The following RIMS2 variants were observed in gnomAD, a reference collection of about 807,000 sequenced individuals.
RIMS2 encodes the protein regulating synaptic membrane exocytosis 2, also known as regulating synaptic membrane exocytosis protein 2.
In RIMS2, 59 loss-of-function variants were observed where a neutral mutation model predicts 174.4. The ratio of observed to expected loss-of-function variants is 0.34; its 90% CI spans 0.27 to 0.42. The LOEUF (loss-of-function observed/expected upper bound fraction) is 0.42, where lower values mean the gene tolerates loss of function less well. Ranked by LOEUF, RIMS2 falls within the 10% of genes least tolerant of loss-of-function variation. The pLI is 1.00. For missense variants in RIMS2, 1,620 were observed against 1,666.3 expected (o/e 0.97, Z 0.48); for synonymous variants, 606 against 572.5 (o/e 1.06, Z -0.84).
chr8:103,645,001 TA>T (rs1335066998), intron 1 of RIMS2, among the ~76,000 whole-genome samples: 1 of 152,026 alleles, frequency 6.6e-6, no homozygotes, highest in African/African-American at 2.4e-5. Flanking sequence ...GTTTTTAGCA[TA>T]CTATTATTTG....
At chr8:104,193,180 T>C (rs1165281481) in intron 19 of RIMS2, among the ~76,000 whole-genome samples, 1 of 152,146 alleles carries the variant, frequency 6.6e-6, no homozygotes, top group Non-Finnish European at 1.5e-5. Context: ...TCTTGTAAAA[T>C]AGTATTGTTT....
chr8:103,881,330 T>C (rs1484599642), intron 3 of RIMS2, among the ~76,000 whole-genome samples: 2 of 151,572 alleles, frequency 1.3e-5, no homozygotes, highest in East Asian at 1.9e-4. Context: ...TTAGACTATA[T>C]TTTCAGAGAT....
At chr8:103,874,011 G>C (rs1395563654) in intron 3 of RIMS2, among the ~76,000 whole-genome samples, 1 of 152,058 alleles carries the variant, frequency 6.6e-6, no homozygotes, top group Non-Finnish European at 1.5e-5. Context: ...AACTTCAGAA[G>C]TACATGAGTT....
At chr8:103,962,509 G>T (rs575850736) in intron 15 of RIMS2, among the ~76,000 whole-genome samples, 1 of 152,248 alleles carries the variant, frequency 6.6e-6, no homozygotes, top group South Asian at 2.1e-4. Flanking sequence ...CGTTTAATAA[G>T]ACACTGAAAA....
chr8:103,699,509 TG>T (rs2097144725), intron 2 of RIMS2, among the ~76,000 whole-genome samples: 1 of 152,164 alleles, frequency 6.6e-6, no homozygotes, highest in African/African-American at 2.4e-5. Flanking sequence ...GGACTACAGG[TG>T]TGAGCCACCA....
At chr8:104,040,009 A>G (rs767815030) in intron 19 of RIMS2, among the ~76,000 whole-genome samples, 5 of 151,794 alleles carry the variant, frequency 3.3e-5, no homozygotes, top group Admixed American at 1.3e-4. Context: ...CCAGTTTTCT[A>G]TAATTCATGC....
intron 3 of RIMS2, among the ~76,000 whole-genome samples, chr8:103,845,909 T>C (rs1452088473): frequency 6.6e-6 from 1 of 152,072 alleles, no homozygotes; most frequent in Non-Finnish European, 1.5e-5. Context: ...AGGAGGAAGG[T>C]GGGGAAAAAG....
intron 14 of RIMS2, among the ~76,000 whole-genome samples, chr8:103,958,883 A>G (rs113871223): frequency 0.012 from 1,772 of 152,324 alleles, 34 homozygotes; most frequent in African/African-American, 0.039. Context: ...AAAGTCTGTG[A>G]AAGTCTGTTG....
At chr8:104,251,234 C>A (rs2099358132) in intron 23 of RIMS2, 71 bp downstream of exon 29, 2 of 1,273,678 alleles carry the variant, frequency 1.6e-6, no homozygotes, top group Admixed American at 2.4e-5. Flanking sequence ...TACCCCAAAT[C>A]TTTTCTGTTG....
chr8:103,996,773 A>G (rs775158211), intron 17 of RIMS2, among the ~76,000 whole-genome samples: 27 of 152,004 alleles, frequency 1.8e-4, no homozygotes, highest in Non-Finnish European at 2.8e-4. Context: ...TGTCTGTGCA[A>G]AAGTGGGAAT....
At chr8:103,586,588 C>T (rs2093933480) in intron 1 of RIMS2, among the ~76,000 whole-genome samples, 2 of 152,048 alleles carry the variant, frequency 1.3e-5, no homozygotes, top group African/African-American at 4.8e-5. Flanking sequence ...CTTTGGAATG[C>T]AGCAACAGCA....
At chr8:103,826,756 A>G (rs2098793574) in intron 3 of RIMS2, among the ~76,000 whole-genome samples, 1 of 150,868 alleles carries the variant, frequency 6.6e-6, no homozygotes, top group Non-Finnish European at 1.5e-5. Flanking sequence ...ATCATAGCTG[A>G]CTACAGCCTC....
At chr8:103,817,096 C>G (rs1011119925) in intron 3 of RIMS2, among the ~76,000 whole-genome samples, 1 of 152,106 alleles carries the variant, frequency 6.6e-6, no homozygotes, top group African/African-American at 2.4e-5. Context: ...TTTGTTTACA[C>G]TTGTAGAAAT....
intron 1 of RIMS2, among the ~76,000 whole-genome samples, chr8:103,541,254 C>T (rs1842444541): frequency 6.6e-6 from 1 of 152,114 alleles, no homozygotes; most frequent in African/African-American, 2.4e-5. Context: ...GAGAAACAAA[C>T]CACACATAAC....
intron 3 of RIMS2, among the ~76,000 whole-genome samples, chr8:103,791,905 G>A (rs573650930): frequency 1.3e-4 from 19 of 151,648 alleles, no homozygotes; most frequent in East Asian, 3.9e-4. Context: ...ATACAGGATC[G>A]CCCAGATTCA....
chr8:103,888,192 A>G (rs947703958), intron 4 of RIMS2, among the ~76,000 whole-genome samples: 5 of 151,570 alleles, frequency 3.3e-5, no homozygotes, highest in African/African-American at 1.2e-4. Context: ...ATGCACAACA[A>G]TCCAAGTGGG....
At chr8:103,872,326 A>G (rs1178455289) in intron 3 of RIMS2, among the ~76,000 whole-genome samples, 1 of 152,140 alleles carries the variant, frequency 6.6e-6, no homozygotes, top group Admixed American at 6.6e-5. Context: ...TTCCTAGACC[A>G]CTTGTATCTA....
chr8:104,244,987 A>G, exon 20 of RIMS2: 1 of 1,613,940 alleles, frequency 6.2e-7, no homozygotes, highest in Non-Finnish European at 8.5e-7. Flanking sequence ...GGAAATGAGG[A>G]ACTGGATGAC....
intron 3 of RIMS2, among the ~76,000 whole-genome samples, chr8:103,864,311 A>G (rs1564983695): frequency 6.6e-6 from 1 of 152,108 alleles, no homozygotes; most frequent in Non-Finnish European, 1.5e-5. Flanking sequence ...GTAGGCATTT[A>G]ATACTGTACA....
Sources: allele counts gnomAD v4.1 joint callset (sites outside exome capture counted in the v4.1 genomes callset), GRCh38; gene constraint gnomAD v4.1.1; transcripts MANE v1.5; gene names NCBI Gene and HGNC (gene_info 2026-07-23, HGNC 2026-07-21).